Variants in ERMP1 observed in about 807,000 individuals in gnomAD.
The protein encoded by ERMP1 is endoplasmic reticulum metallopeptidase 1.
In ERMP1, 86 loss-of-function variants were observed where a neutral mutation model predicts 92.0. That is an observed-to-expected ratio of 0.93 (90% CI 0.79 to 1.12). The LOEUF (loss-of-function observed/expected upper bound fraction) is 1.12, where lower values mean the gene tolerates loss of function less well. Ranked by LOEUF, ERMP1 falls within the 50% of genes most tolerant of loss-of-function variation. ERMP1 has a pLI of 0.00. For synonymous variants in ERMP1, 530 were observed against 412.8 expected, an observed-to-expected ratio of 1.28 and a Z score of -3.44; for missense variants, 1,342 against 1,116.3, an observed-to-expected ratio of 1.20 and a Z score of -2.88.
chr9:5,800,987 A>G (rs993382574), intron 11 of ERMP1, among the ~76,000 whole-genome samples, 189 bp downstream of exon 11: 16 of 152,366 alleles, frequency 1.1e-4, no homozygotes, highest in African/African-American at 3.8e-4. Flanking sequence ...CCTGGGAGAT[A>G]TATGTCTAGC....
In ERMP1 at chr9:5,830,793, G is replaced by A; in HGVS notation, c.574C>T (p.Pro192Ser). ...NITNVVVKLE[P>S]RDGAQHAVLA... Reference sequence around the variant, plus strand: ...ACAGCATGCTGGGCTCCATCTCTGGGTTCCAGCTTTACCACAACATTGGTG... The same window carrying A: ...ACAGCATGCTGGGCTCCATCTCTGGATTCCAGCTTTACCACAACATTGGTG... Residue 192 changes from proline (P) to serine (S), a missense_variant, in exon 2 of 15, where the codon CCC becomes TCC. Pro to Ser is a moderately conservative substitution (Grantham distance 74, BLOSUM62 -1). Coordinates refer to ENST00000339450, the MANE Select transcript of ERMP1 (RefSeq NM_024896.3). 1 of 1,614,098 alleles carries A rather than the reference G, an allele frequency of 6.2e-7. No homozygotes were observed.
At chr9:5,797,737 T>C (rs1191287608) in intron 13 of ERMP1, 80 bp downstream of exon 13, 3 of 839,708 alleles carry the variant, frequency 3.6e-6, no homozygotes, top group Middle Eastern at 2.3e-4. Context: ...CTGTGATATA[T>C]CTGAGGGAAA....
Position 5,787,132 on chromosome 9 carries a change from T to G in ERMP1, c.*12A>C. On this transcript the variant is annotated 3_prime_UTR_variant, in exon 15 of 15. Coordinates refer to ENST00000339450, the MANE Select transcript of ERMP1 (RefSeq NM_024896.3). ...TATCCACTGGGCATGTACTTAGAGC[T>G]CATCCACAAGATTAAAATACAAAGA... 3 of 1,609,544 alleles carry G rather than the reference T, an allele frequency of 1.9e-6. No individual in the cohort carries two copies. Among genetic ancestry groups the G allele is most frequent in the Non-Finnish European group, 2.5e-6 (3 of 1,177,592 alleles).
intron 3 of ERMP1, among the ~76,000 whole-genome samples, chr9:5,824,608 G>C (rs1357887191): frequency 6.6e-6 from 1 of 151,998 alleles, no homozygotes; most frequent in Non-Finnish European, 1.5e-5. Context: ...TCACCATGTT[G>C]GCCAGGCTGG....
intron 10 of ERMP1, among the ~76,000 whole-genome samples, chr9:5,802,309 C>A (rs1185778041): frequency 1.3e-5 from 2 of 152,146 alleles, no homozygotes; most frequent in Admixed American, 1.3e-4. Flanking sequence ...GAAATCTAAA[C>A]CCACCTCCCC....
chr9:5,822,027 G>A (rs1408359451), intron 4 of ERMP1, among the ~76,000 whole-genome samples: 1 of 152,170 alleles, frequency 6.6e-6, no homozygotes, highest in Non-Finnish European at 1.5e-5. Context: ...GCTGAAGCAG[G>A]AGGACTGCTT....
At chr9:5,861,406 C>G (rs765608388) in intron 5 of ERMP1, among the ~76,000 whole-genome samples, 1 of 151,424 alleles carries the variant, frequency 6.6e-6, no homozygotes, top group Non-Finnish European at 1.5e-5. Flanking sequence ...CAAAATCATA[C>G]TTGCTGGGTT....
At chr9:5,826,120 G>A (rs1829723370) in intron 2 of ERMP1, among the ~76,000 whole-genome samples, 1 of 152,140 alleles carries the variant, frequency 6.6e-6, no homozygotes, top group African/African-American at 2.4e-5. Flanking sequence ...AAGTTGGGAG[G>A]GTAGTGGTAG....
chr9:5,801,129 C>A (rs753803798), intron 11 of ERMP1, 47 bp downstream of exon 11: 3 of 1,568,278 alleles, frequency 1.9e-6, no homozygotes, highest in Non-Finnish European at 1.7e-6. Context: ...TCAAAACACA[C>A]AGGGCTTCCT....
intron 4 of ERMP1, among the ~76,000 whole-genome samples, chr9:5,814,102 G>A (rs546261441): frequency 6.6e-6 from 1 of 151,984 alleles, no homozygotes; most frequent in Non-Finnish European, 1.5e-5. Context: ...CCTCAACTGG[G>A]CAGAGTTTTC....
chr9:5,834,093 C>T (rs1213973541), upstream of ERMP1, among the ~76,000 whole-genome samples: 1 of 152,190 alleles, frequency 6.6e-6, no homozygotes, highest in Non-Finnish European at 1.5e-5. Context: ...CCTGCTCTTG[C>T]CCACCTCTCA....
At position 5,785,367 on chromosome 9, in the gene ERMP1, CTG is replaced by C. The variant is rs1196022309; in HGVS notation, c.*1775_*1776del. ...AGAAATTATTACTTTTTCTCCACAA[CTG>C]TGATTCTATACAAAATATAAACCCT... is the stretch of plus-strand genomic sequence containing the variant. On this transcript the variant is annotated 3_prime_UTR_variant, in exon 15 of 15. Transcript: ENST00000339450. 1.3e-5 allele frequency: 2 copies of C among 152,158 alleles called. No individual in the cohort carries two copies. Among genetic ancestry groups the C allele is most frequent in the African/African-American group, 4.8e-5 (2 of 41,426 alleles). The allele number at this position is 152,158 out of a possible 1,614,324, so 9.4% of individuals were successfully genotyped here.
At chr9:5,866,359 T>C (rs1830661568) in intron 5 of ERMP1, among the ~76,000 whole-genome samples, 1 of 152,184 alleles carries the variant, frequency 6.6e-6, no homozygotes, top group Non-Finnish European at 1.5e-5. Context: ...GATCCAACAA[T>C]AGTGGGGAGA....
rs573054038 is a variant in ERMP1 at position 5,806,160 on chromosome 9, A to C, written c.1549-375T>G. On this transcript the variant is annotated intron_variant, in intron 8 of 14. Coordinates refer to ENST00000339450, the MANE Select transcript of ERMP1 (RefSeq NM_024896.3). ...AACACTGTTTCAAGCAAACTAGAGA[A>C]ATGACCTGTGAAGGAACGTTAGGAA... Among the ~76,000 whole-genome samples, 288 of 152,210 alleles carry C rather than the reference A, an allele frequency of 1.9e-3. 4 individuals are homozygous for C. The highest frequency in any genetic ancestry group is 1.9e-3 in the Non-Finnish European group (129 of 68,042).
intron 13 of ERMP1, among the ~76,000 whole-genome samples, chr9:5,794,128 T>G (rs1238960978): frequency 6.6e-6 from 1 of 152,004 alleles, no homozygotes; most frequent in Non-Finnish European, 1.5e-5. Context: ...AGAAATCAAT[T>G]ATCAGAAAAA....
rs1827964504 is a variant in ERMP1, at chr9:5,786,962, A to G, written c.*182T>C. 1.6e-5 allele frequency: 9 copies of G among 546,022 alleles called. No homozygotes were observed. Among genetic ancestry groups the G allele is most frequent in the Non-Finnish European group, 2.5e-5 (8 of 323,392 alleles). The allele number at this position is 546,022 out of a possible 1,614,324, so 33.8% of individuals were successfully genotyped here. ...ATTTTCAAGTGTCAACAGGCCATGCATCACTGCGCCACAGCTAAACCCTTA... is the reference window on the plus strand; with the variant it reads ...ATTTTCAAGTGTCAACAGGCCATGCGTCACTGCGCCACAGCTAAACCCTTA... On this transcript the variant is annotated 3_prime_UTR_variant, in exon 15 of 15. Coordinates refer to ENST00000339450, the MANE Select transcript of ERMP1 (RefSeq NM_024896.3).
At position 5,831,024 on chromosome 9, in the gene ERMP1, A is replaced by G. The variant is rs749861383; in HGVS notation, c.343T>C (p.Tyr115His). 3.7e-6 allele frequency: 6 copies of G among 1,607,868 alleles called. No homozygotes were observed. Among genetic ancestry groups the G allele is most frequent in the Non-Finnish European group, 5.1e-6 (6 of 1,176,096 alleles). ...CCAATGGAGGTTATGTGTTCAAGAT[A>G]ATCCCTGGAAGTAACCAAAAGAATA... Reference protein sequence around the residue: ...GEFDALQARDYLEHITSIGPR... With the variant: ...GEFDALQARDHLEHITSIGPR... The change falls in exon 2 of 15, where the codon TAT becomes CAT. Residue 115 changes from tyrosine to histidine, a missense_variant. Tyr to His is a moderately conservative substitution (Grantham distance 83). Transcript: ENST00000339450.
chr9:5,847,195 T>C (rs539251738), intron 6 of ERMP1, among the ~76,000 whole-genome samples: 4 of 152,278 alleles, frequency 2.6e-5, no homozygotes, highest in East Asian at 3.9e-4. Context: ...TCAATGTGTT[T>C]TGAAGATTAG....
Position 5,785,541 on chromosome 9 carries a change from C to G in ERMP1, c.*1603G>C, listed in dbSNP as rs1222471466. 1 of 152,402 alleles carries G rather than the reference C, an allele frequency of 6.6e-6. No individual in the cohort carries two copies. The highest frequency in any genetic ancestry group is 2.4e-5 in the African/African-American group (1 of 41,444). 9.4% of individuals were successfully genotyped at this position (152,402 alleles called of 1,614,324 possible). A position where few individuals can be genotyped will look rare whatever the true frequency, so the allele number is the denominator to read the frequency against. The stretch of plus-strand genomic sequence containing the variant: ...TGTGAGCCTAACATGTTATTCAGCT[C>G]TGGTTGCAGCCCCATCTACATGGGC... On this transcript the variant is annotated 3_prime_UTR_variant, in exon 15 of 15. Coordinates refer to ENST00000339450, the MANE Select transcript of ERMP1 (RefSeq NM_024896.3).
Sources: allele counts gnomAD v4.1 joint callset (sites outside exome capture counted in the v4.1 genomes callset), GRCh38; gene constraint gnomAD v4.1.1; transcripts MANE v1.5; gene names NCBI Gene and HGNC (gene_info 2026-07-23, HGNC 2026-07-21).